Variants in VPS13D observed in about 807,000 individuals in gnomAD.
VPS13D encodes the protein vacuolar protein sorting 13 homolog D.
Under a neutral mutation model 461.9 loss-of-function variants are expected in VPS13D, and 187 were observed. The ratio of observed to expected loss-of-function variants is 0.40; its 90% CI spans 0.36 to 0.46. The LOEUF (loss-of-function observed/expected upper bound fraction) is 0.46. VPS13D is among the 20% of genes least tolerant of loss of function. The pLI, the probability that VPS13D is intolerant of heterozygous loss-of-function variation, is 0.60. For missense variants in VPS13D, 4,711 were observed against 5,364.9 expected (o/e 0.88, Z 3.81); for synonymous variants, 1,951 against 1,986.3 (o/e 0.98, Z 0.47).
intron 40 of VPS13D, among the ~76,000 whole-genome samples, chr1:12,339,042 A>T (rs1643510271): frequency 6.6e-6 from 1 of 151,796 alleles, no homozygotes; most frequent in South Asian, 2.1e-4. Flanking sequence ...GACCACAGGA[A>T]CTCCCTCTAC....
At chr1:12,250,327 G>A (rs868607343) in intron 6 of VPS13D, among the ~76,000 whole-genome samples, 2 of 152,144 alleles carry the variant, frequency 1.3e-5, no homozygotes, top group South Asian at 4.1e-4. Context: ...CCTGTCTAGG[G>A]ACCCCAACAA....
chr1:12,257,166 A>G lies in VPS13D; in HGVS notation c.941+79A>G. The G allele has an allele frequency of 3.2e-6, 4 of 1,245,594 alleles. No homozygotes were observed. In the South Asian group the frequency reaches 3.7e-5, roughly 11 times the overall value. The allele number at this position is 1,245,594 out of a possible 1,614,324, so 77.2% of individuals were successfully genotyped here. On this transcript the variant is annotated intron_variant, in intron 9 of 69. Transcript: ENST00000620676. ...TGTACATAGATCAGAAATATGCCTCACTGTCCTTTACCCATGTTTGGAGAT... is the reference window on the plus strand; with the variant it reads ...TGTACATAGATCAGAAATATGCCTCGCTGTCCTTTACCCATGTTTGGAGAT...
chr1:12,249,360 C>A, intron 6 of VPS13D, 21 bp downstream of exon 6: 7 of 1,585,100 alleles, frequency 4.4e-6, no homozygotes, highest in Non-Finnish European at 6.0e-6. Context: ...AATGTGATGA[C>A]AAAGCAGGAA....
At chr1:12,403,447 C>T (rs1343468410) in intron 62 of VPS13D, among the ~76,000 whole-genome samples, 1 of 152,206 alleles carries the variant, frequency 6.6e-6, no homozygotes, top group African/African-American at 2.4e-5. Context: ...CACTCCAAGA[C>T]CTTATTTGGA....
intron 60 of VPS13D, among the ~76,000 whole-genome samples, chr1:12,391,929 C>A (rs1249659186): frequency 1.3e-5 from 2 of 151,994 alleles, no homozygotes; most frequent in Non-Finnish European, 2.9e-5. Context: ...GGTCCTCCCT[C>A]GGGTCACTGC....
At chr1:12,298,283 A>G (rs910563055) in intron 24 of VPS13D, among the ~76,000 whole-genome samples, 1 of 152,160 alleles carries the variant, frequency 6.6e-6, no homozygotes, top group Non-Finnish European at 1.5e-5. Context: ...AAAATAACCA[A>G]CTTATTCAGG....
At chr1:12,405,940 G>T (rs1396683590) in intron 63 of VPS13D, among the ~76,000 whole-genome samples, 1 of 152,178 alleles carries the variant, frequency 6.6e-6, no homozygotes, top group African/African-American at 2.4e-5. Context: ...CTGATTTTCT[G>T]CAGTTGAAGT....
chr1:12,456,298 T>G (rs1645326576), intron 66 of VPS13D, among the ~76,000 whole-genome samples, 168 bp downstream of exon 66: 1 of 151,966 alleles, frequency 6.6e-6, no homozygotes, highest in Non-Finnish European at 1.5e-5. Flanking sequence ...GGTCAGGAGT[T>G]TGAGACCAGC....
At chr1:12,406,965 C>T (rs992125722) in intron 63 of VPS13D, among the ~76,000 whole-genome samples, 3 of 151,990 alleles carry the variant, frequency 2.0e-5, no homozygotes, top group African/African-American at 4.8e-5. Context: ...GGGGGAGTTT[C>T]GAACAAAGAC....
In VPS13D at chr1:12,258,086, C is replaced by G. The variant is rs1640977093; in HGVS notation, c.1093C>G (p.Leu365Val). ...TTTCAACAAGTTAAAAGGAGGCCTG[C>G]TGTCCACAGATGACAAGGTAAGTGG... ...KYFNKLKGGLLSTDDKEEMCR... is the reference protein window; with the variant it reads ...KYFNKLKGGLVSTDDKEEMCR... Residue 365 changes from leucine (L) to valine (V), a missense_variant, in exon 10 of 70, where the codon CTG becomes GTG. Coordinates refer to ENST00000620676, the MANE Select transcript of VPS13D (RefSeq NM_015378.4). The G allele has an allele frequency of 6.2e-7, 1 of 1,614,222 alleles. No individual in the cohort carries two copies. Among genetic ancestry groups the G allele is most frequent in the Non-Finnish European group, 8.5e-7 (1 of 1,180,026 alleles).
intron 59 of VPS13D, 136 bp downstream of exon 59, chr1:12,385,509 GTT>G: frequency 1.5e-6 from 1 of 682,918 alleles, no homozygotes; most frequent in Non-Finnish European, 2.4e-6. Flanking sequence ...AGTGTTTACT[GTT>G]TATCAGTGAA....
chr1:12,259,316 T>G (rs1641027042), intron 10 of VPS13D, among the ~76,000 whole-genome samples: 1 of 150,920 alleles, frequency 6.6e-6, no homozygotes, highest in Non-Finnish European at 1.5e-5. Flanking sequence ...GCCTACTCTT[T>G]TTATTTTTTT....
chr1:12,333,737 A>G (rs568158426), intron 38 of VPS13D, among the ~76,000 whole-genome samples: 16 of 152,344 alleles, frequency 1.1e-4, no homozygotes, highest in African/African-American at 3.4e-4. Flanking sequence ...GATTTTGACC[A>G]TATCTTTATA....
At chr1:12,371,510 A>G (rs891879075) in intron 54 of VPS13D, among the ~76,000 whole-genome samples, 2 of 149,354 alleles carry the variant, frequency 1.3e-5, no homozygotes, top group Non-Finnish European at 3.0e-5. Flanking sequence ...CCTGCCTCAG[A>G]CTCCTGAGTA....
At chr1:12,330,590 C>A (rs371150534) in intron 37 of VPS13D, among the ~76,000 whole-genome samples, 1 of 151,928 alleles carries the variant, frequency 6.6e-6, no homozygotes, top group East Asian at 1.9e-4. Context: ...TTTTTTGAGA[C>A]CGAGTCTCAC....
Position 12,283,280 on chromosome 1 carries a change from T to C in VPS13D, c.5178T>C (p.Pro1726=). 1.2e-6 allele frequency: 2 copies of C among 1,614,184 alleles called. No individual in the cohort carries two copies. Among genetic ancestry groups the C allele is most frequent in the Non-Finnish European group, 1.7e-6 (2 of 1,180,038 alleles). ...ATCCTGATATGCCTCGGTCTCTCCCTTCCCACATGGAAGAAGCTCCTAATG... is the reference window on the plus strand; with the variant it reads ...ATCCTGATATGCCTCGGTCTCTCCCCTCCCACATGGAAGAAGCTCCTAATG... ...VEYPDMPRSL[P]SHMEEAPNVF... The change falls in exon 21 of 70, where the codon CCT becomes CCC. Residue 1726 remains proline, a synonymous_variant. Transcript: ENST00000620676.
chr1:12,414,995 A>G (rs1192567139), intron 63 of VPS13D, 92 bp from the exon 64 acceptor site: 9 of 1,469,366 alleles, frequency 6.1e-6, no homozygotes, highest in Non-Finnish European at 8.3e-6. Flanking sequence ...GAAAGTTAAC[A>G]TGACTTGTAG....
In VPS13D at chr1:12,260,974, T is replaced by A. The variant is rs764952329; in HGVS notation, c.1239T>A (p.Ser413=). The change falls in exon 12 of 70, where the codon TCT becomes TCA. Residue 413 remains serine, a synonymous_variant. Coordinates refer to ENST00000620676, the MANE Select transcript of VPS13D (RefSeq NM_015378.4). ...AESLREPQFD[S]PGACPGAPEP... is the part of the protein sequence containing the mutation. The stretch of plus-strand genomic sequence containing the variant: ...GTCTGCGGGAGCCTCAGTTTGATTC[T>A]CCAGGAGCCTGTCCGGGAGCCCCAG... The A allele has an allele frequency of 6.2e-7, 1 of 1,613,804 alleles. No homozygotes were observed. Among genetic ancestry groups the A allele is most frequent in the Non-Finnish European group, 8.5e-7 (1 of 1,179,994 alleles).
Position 12,311,869 on chromosome 1 carries a change from T to C in VPS13D, c.6879T>C (p.Asn2293=). The C allele has an allele frequency of 6.2e-7, 1 of 1,614,186 alleles. No individual in the cohort carries two copies. The highest frequency in any genetic ancestry group is 8.5e-7 in the Non-Finnish European group (1 of 1,180,012). ...TGTGCTTCCTCATTGATATGGTGAA[T>C]GTAAGTCTGGAGCTTAAAGATCCAA... ...TCMCFLIDMV[N]VSLELKDPKR... is the part of the protein sequence containing the mutation. The change falls in exon 29 of 70, where the codon AAT becomes AAC. Residue 2293 remains asparagine, a synonymous_variant. Transcript: ENST00000620676.
Sources: gnomAD v4.1 joint callset for allele counts (sites outside exome capture counted in the v4.1 genomes callset) on GRCh38, gnomAD v4.1.1 for gene constraint, MANE v1.5 for transcripts, NCBI Gene and HGNC (gene_info 2026-07-23, HGNC 2026-07-21) for gene names.